Variants in NXPH1 observed in about 807,000 individuals in gnomAD.
NXPH1 encodes neurexophilin-1.
A neutral mutation model predicts 23.7 loss-of-function variants in NXPH1; 5 were observed. The observed-to-expected ratio is 0.21, with a 90% CI of 0.11 to 0.44. NXPH1 has a LOEUF of 0.44. NXPH1 is among the 20% of genes least tolerant of loss of function. The pLI is 0.99. For synonymous variants in NXPH1, 144 were observed against 122.2 expected (o/e 1.18, Z -1.18); for missense variants, 324 against 321.6 (o/e 1.01, Z -0.06).
intron 2 of NXPH1, among the ~76,000 whole-genome samples, chr7:8,697,770 A>G (rs781015720): frequency 2.4e-4 from 36 of 152,294 alleles, no homozygotes; most frequent in Middle Eastern, 3.4e-3. Context: ...TCAGGCAAAC[A>G]TGTTCCAGAG....
At chr7:8,463,052 C>T (rs1025537923) in intron 2 of NXPH1, among the ~76,000 whole-genome samples, 1 of 152,116 alleles carries the variant, frequency 6.6e-6, no homozygotes, top group African/African-American at 2.4e-5. Context: ...CCAGAAAATT[C>T]TTTACTTTTT....
At chr7:8,664,031 G>A (rs6967305) in intron 2 of NXPH1, among the ~76,000 whole-genome samples, 96,295 of 151,752 alleles carry the variant, frequency 0.63, 31,454 homozygotes, top group Middle Eastern at 0.76. Flanking sequence ...CCTAGAGAAA[G>A]AGAAGTCTTG....
rs545705776 is a variant in NXPH1, at chr7:8,496,911, C to T, written c.54+61144C>T. Reference sequence around the variant, plus strand: ...TACTTTAAGTTCTAGGGTACATGTTCACAATGTGCAGGTTTGTTACATATG... The same window carrying T: ...TACTTTAAGTTCTAGGGTACATGTTTACAATGTGCAGGTTTGTTACATATG... On this transcript the variant is annotated intron_variant, in intron 2 of 2. Transcript: ENST00000405863. Among the ~76,000 whole-genome samples the T allele has an allele frequency of 8.5e-5, 13 of 152,162 alleles. No homozygotes were observed. The South Asian group carries it at 2.5e-3, about 29-fold the overall frequency.
Position 8,435,844 on chromosome 7 carries a change from A to G in NXPH1, c.54+77A>G. ...AAGGAAACTGGGGACACGCGGGAGA[A>G]GGGTTACGCCGCCAGTTCAGTGAGA... On this transcript the variant is annotated intron_variant, in intron 2 of 2. Coordinates refer to ENST00000405863, the MANE Select transcript of NXPH1 (RefSeq NM_152745.3). The surrounding 1 kb of genome is among the most constrained non-coding windows in gnomAD (Gnocchi z 5.9). The G allele has an allele frequency of 3.7e-6, 5 of 1,364,614 alleles. No homozygotes were observed. Among genetic ancestry groups the G allele is most frequent in the Non-Finnish European group, 5.2e-6 (5 of 953,722 alleles). 84.5% of individuals were successfully genotyped at this position (1,364,614 alleles called of 1,614,324 possible).
intron 2 of NXPH1, among the ~76,000 whole-genome samples, chr7:8,554,496 G>A (rs552768949): frequency 5.9e-5 from 9 of 151,660 alleles, no homozygotes; most frequent in Non-Finnish European, 1.3e-4. Context: ...GCAGTCCTCT[G>A]TACCCTGAAT....
intron 2 of NXPH1, among the ~76,000 whole-genome samples, chr7:8,645,041 A>G (rs1014291507): frequency 3.3e-5 from 5 of 152,186 alleles, no homozygotes; most frequent in East Asian, 1.9e-4. Flanking sequence ...CAGATGTACA[A>G]TGTTCCACTG....
chr7:8,589,846 T>C (rs1320299299), intron 2 of NXPH1, among the ~76,000 whole-genome samples: 2 of 151,928 alleles, frequency 1.3e-5, no homozygotes, highest in Non-Finnish European at 2.9e-5. Context: ...ATAACCACCA[T>C]CTAACAGCCA....
intron 2 of NXPH1, among the ~76,000 whole-genome samples, chr7:8,621,806 C>G (rs538015701): frequency 6.6e-6 from 1 of 152,240 alleles, no homozygotes; most frequent in South Asian, 2.1e-4. Flanking sequence ...TAGGTTAAAA[C>G]TTCACATGCA....
At chr7:8,572,016 A>G (rs1023406128) in intron 2 of NXPH1, among the ~76,000 whole-genome samples, 1 of 152,010 alleles carries the variant, frequency 6.6e-6, no homozygotes, top group African/African-American at 2.4e-5. Flanking sequence ...TGGAATCTCT[A>G]AATATGCAAT....
At chr7:8,730,585 C>G (rs1780134662) in intron 2 of NXPH1, among the ~76,000 whole-genome samples, 2 of 152,048 alleles carry the variant, frequency 1.3e-5, no homozygotes, top group Admixed American at 1.3e-4. Context: ...TACTTTATTT[C>G]TCCTTCACTT....
intron 2 of NXPH1, among the ~76,000 whole-genome samples, chr7:8,542,349 G>A (rs747719334): frequency 4.6e-5 from 7 of 151,428 alleles, no homozygotes; most frequent in Non-Finnish European, 8.9e-5. Flanking sequence ...AAAATTGCTA[G>A]AACTTTTATA....
chr7:8,634,350 C>A (rs1048504113), intron 2 of NXPH1, among the ~76,000 whole-genome samples: 3 of 152,146 alleles, frequency 2.0e-5, no homozygotes, highest in African/African-American at 4.8e-5. Flanking sequence ...CACCTTCCAC[C>A]ATGATTGTGA....
intron 2 of NXPH1, among the ~76,000 whole-genome samples, chr7:8,486,124 T>C (rs1817155553): frequency 6.6e-6 from 1 of 152,186 alleles, no homozygotes; most frequent in Non-Finnish European, 1.5e-5. Flanking sequence ...ATATTTTATT[T>C]CTGATAAAAT....
intron 2 of NXPH1, among the ~76,000 whole-genome samples, chr7:8,709,223 T>G (rs1779750142): frequency 1.3e-5 from 2 of 152,220 alleles, no homozygotes; most frequent in Admixed American, 6.5e-5. Flanking sequence ...TGCTACCACT[T>G]TTGAGTACTG....
intron 2 of NXPH1, 96 bp from the exon 3 acceptor site, chr7:8,750,912 A>G (rs1780552585): frequency 1.6e-6 from 2 of 1,241,352 alleles, no homozygotes; most frequent in Admixed American, 2.2e-5. Context: ...AAGTGTAATT[A>G]TTTAATCCTG....
At chr7:8,733,342 C>T (rs1454811711) in intron 2 of NXPH1, among the ~76,000 whole-genome samples, 1 of 152,082 alleles carries the variant, frequency 6.6e-6, no homozygotes, top group African/African-American at 2.4e-5. Flanking sequence ...TAAACATATG[C>T]ATGTATGTGT....
At chr7:8,545,297 G>A (rs1382043780) in intron 2 of NXPH1, among the ~76,000 whole-genome samples, 1 of 151,516 alleles carries the variant, frequency 6.6e-6, no homozygotes, top group Admixed American at 6.6e-5. Flanking sequence ...ATTAATGACA[G>A]TGTTGGGCCA....
chr7:8,676,210 C>T (rs1025407362), intron 2 of NXPH1, among the ~76,000 whole-genome samples: 6 of 152,152 alleles, frequency 3.9e-5, no homozygotes, highest in African/African-American at 1.2e-4. Context: ...TAACTCCCTA[C>T]GTCTAAGATG....
chr7:8,543,663 T>C (rs1387431443), intron 2 of NXPH1, among the ~76,000 whole-genome samples: 2 of 151,640 alleles, frequency 1.3e-5, no homozygotes, highest in East Asian at 3.9e-4. Flanking sequence ...ATTTGTCTAG[T>C]TCACACGTAG....
Sources: allele counts gnomAD v4.1 joint callset (sites outside exome capture counted in the v4.1 genomes callset), GRCh38; gene constraint gnomAD v4.1.1; non-coding constraint Gnocchi (gnomAD v3.1); transcripts MANE v1.5; gene names NCBI Gene and HGNC (gene_info 2026-07-23, HGNC 2026-07-21).